Variants in DCLK1 observed in about 807,000 individuals in gnomAD.
DCLK1 encodes the protein serine/threonine-protein kinase DCLK1.
A neutral mutation model predicts 86.2 loss-of-function variants in DCLK1; 16 were observed. The observed-to-expected ratio is 0.19, with a 90% confidence interval of 0.13 to 0.28. The LOEUF (loss-of-function observed/expected upper bound fraction) is 0.28, where lower values mean the gene tolerates loss of function less well. Among genes scored for constraint, DCLK1 ranks in the 10% least tolerant of loss-of-function variants. The probability of loss-of-function intolerance (pLI) is 1.00; values close to 1 mark genes in which losing one functional copy is unlikely to be tolerated. For missense variants in DCLK1, 590 were observed against 940.2 expected, an observed-to-expected ratio of 0.63 and a Z score of 4.87; for synonymous variants, 369 against 370.5, an observed-to-expected ratio of 1.00 and a Z score of 0.05.
intron 2 of DCLK1, among the ~76,000 whole-genome samples, chr13:36,118,293 G>A (rs1366474233): frequency 6.6e-6 from 1 of 152,138 alleles, no homozygotes; most frequent in East Asian, 1.9e-4. Flanking sequence ...AGGAGAGGAG[G>A]TGAACTGAAT....
At chr13:36,127,921 A>G (rs376592283) in intron 1 of DCLK1, among the ~76,000 whole-genome samples, 63 of 152,336 alleles carry the variant, frequency 4.1e-4, no homozygotes, top group African/African-American at 1.4e-3. Flanking sequence ...AGACACTTTA[A>G]TGACAAAATT....
At chr13:36,043,440 T>C (rs571109669) in intron 3 of DCLK1, among the ~76,000 whole-genome samples, 47 of 152,114 alleles carry the variant, frequency 3.1e-4, no homozygotes, top group African/African-American at 9.6e-4. Flanking sequence ...AACATCTGAC[T>C]TATACAAGTT....
At chr13:36,072,161 C>T (rs1234922239) in intron 3 of DCLK1, among the ~76,000 whole-genome samples, 1 of 152,126 alleles carries the variant, frequency 6.6e-6, no homozygotes, top group Admixed American at 6.5e-5. Context: ...ACCAAGCTGC[C>T]TCTGTCAAGA....
At chr13:35,816,285 A>G (rs2087264047) in intron 11 of DCLK1, among the ~76,000 whole-genome samples, 1 of 152,204 alleles carries the variant, frequency 6.6e-6, no homozygotes, top group Admixed American at 6.6e-5. Context: ...CTTGACACTC[A>G]GAAATAAACA....
At chr13:35,978,188 TTTTTCTTTTC>T (rs1879446386) in intron 3 of DCLK1, among the ~76,000 whole-genome samples, 1 of 149,008 alleles carries the variant, frequency 6.7e-6, no homozygotes, top group African/African-American at 2.4e-5. Context: ...TCCAGTTTTT[TTTTTCTTTTC>T]TTTTCTTTTT....
chr13:35,930,305 A>G (rs915034195), intron 4 of DCLK1, among the ~76,000 whole-genome samples: 7 of 152,258 alleles, frequency 4.6e-5, no homozygotes, highest in Admixed American at 3.9e-4. Context: ...AGGAACAAAA[A>G]CATAAGTTCC....
chr13:35,851,365 C>G (rs1329606071), intron 6 of DCLK1, among the ~76,000 whole-genome samples: 1 of 152,156 alleles, frequency 6.6e-6, no homozygotes, highest in Non-Finnish European at 1.5e-5. Context: ...ACTCACTCAT[C>G]ACCTCCTCTC....
chr13:35,891,566 G>A (rs1288361571), intron 4 of DCLK1, among the ~76,000 whole-genome samples: 1 of 152,254 alleles, frequency 6.6e-6, no homozygotes, highest in Middle Eastern at 3.4e-3. Flanking sequence ...ACAATTCTGC[G>A]AATGTACTAA....
At chr13:35,790,842 C>T (rs887033051) in intron 16 of DCLK1, among the ~76,000 whole-genome samples, 3 of 152,010 alleles carry the variant, frequency 2.0e-5, no homozygotes, top group Non-Finnish European at 4.4e-5. Context: ...TTATTTAATG[C>T]CAGGGTTTCT....
chr13:35,837,677 G>A (rs1869484012), intron 7 of DCLK1, among the ~76,000 whole-genome samples: 1 of 152,100 alleles, frequency 6.6e-6, no homozygotes. Flanking sequence ...CCTTCTGGTG[G>A]GAGCATTCAC....
intron 11 of DCLK1, among the ~76,000 whole-genome samples, chr13:35,820,381 G>A (rs1232619412): frequency 1.3e-5 from 2 of 152,058 alleles, no homozygotes; most frequent in African/African-American, 4.8e-5. Context: ...TAGAAGAGAA[G>A]GGAAAAAGAA....
chr13:35,935,798 T>A (rs1399702880), intron 4 of DCLK1, among the ~76,000 whole-genome samples: 1 of 152,226 alleles, frequency 6.6e-6, no homozygotes, highest in African/African-American at 2.4e-5. Flanking sequence ...CCTTTAATAC[T>A]ATCTGTGTGG....
intron 3 of DCLK1, among the ~76,000 whole-genome samples, chr13:35,987,259 T>TA (rs550443514): frequency 2.3e-4 from 35 of 151,880 alleles, no homozygotes; most frequent in Admixed American, 1.2e-3. Context: ...CTGTCTCTAC[T>TA]AAAAAAAATA....
chr13:35,951,018 T>A (rs1877637877), intron 3 of DCLK1, among the ~76,000 whole-genome samples: 1 of 151,940 alleles, frequency 6.6e-6, no homozygotes, highest in South Asian at 2.1e-4. Context: ...GTTTAATCCA[T>A]CCTGTTTAAT....
At chr13:35,954,447 A>T (rs1469459903) in intron 3 of DCLK1, among the ~76,000 whole-genome samples, 5 of 152,198 alleles carry the variant, frequency 3.3e-5, no homozygotes, top group African/African-American at 1.2e-4. Context: ...ATGCCACATG[A>T]TATTATAAGT....
At chr13:35,788,372 T>C (rs1021824993) in intron 16 of DCLK1, 2 of 1,170,684 alleles carry the variant, frequency 1.7e-6, no homozygotes, top group African/African-American at 1.5e-5. Context: ...TCATTGATTC[T>C]ATATGTATAT....
At chr13:35,991,890 T>C (rs571380887) in intron 3 of DCLK1, among the ~76,000 whole-genome samples, 93 of 152,274 alleles carry the variant, frequency 6.1e-4, no homozygotes, top group African/African-American at 2.0e-3. Flanking sequence ...TTGGGGGTAA[T>C]GCTAGGAAGA....
At position 36,111,781 on chromosome 13, in the gene DCLK1, G is replaced by A; in HGVS notation, c.723+88C>T. The A allele has an allele frequency of 3.2e-6, 4 of 1,237,916 alleles. No individual in the cohort carries two copies. In the Admixed American group the frequency reaches 8.6e-5, roughly 27 times the overall value. 76.7% of individuals were successfully genotyped at this position (1,237,916 alleles called of 1,614,324 possible). A position where few individuals can be genotyped will look rare whatever the true frequency, so the allele number is the denominator to read the frequency against. On this transcript the variant is annotated intron_variant, in intron 3 of 16. Transcript: ENST00000360631. Reference sequence around the variant, plus strand: ...AGTGACCCAGGCCCTTTAACAACTTGAGCAAAATGTATGCTTTAGCCACGT... The same window carrying A: ...AGTGACCCAGGCCCTTTAACAACTTAAGCAAAATGTATGCTTTAGCCACGT...
intron 3 of DCLK1, among the ~76,000 whole-genome samples, chr13:36,020,680 G>A (rs1336675598): frequency 2.0e-5 from 3 of 152,060 alleles, no homozygotes; most frequent in Admixed American, 6.6e-5. Flanking sequence ...CTGACTTCTT[G>A]TTGGAAACGG....
Sources: allele counts gnomAD v4.1 joint callset (sites outside exome capture counted in the v4.1 genomes callset), GRCh38; gene constraint gnomAD v4.1.1; transcripts MANE v1.5; gene names NCBI Gene and HGNC (gene_info 2026-07-23, HGNC 2026-07-21).